Variants in ENTREP2 observed in about 807,000 individuals in gnomAD.
ENTREP2 encodes endosomal transmembrane epsin interactor 2, also known as protein ENTREP2.
chr15:29,155,151 C>G, the ENTREP2 span, among the ~76,000 whole-genome samples: 16,178 of 151,666 alleles, frequency 0.11, 1,093 homozygotes, highest in African/African-American at 0.18. Context: ...GCGTGGTGGC[C>G]GGCGCCTGTA....
At chr15:29,475,228 G>A in the ENTREP2 span, among the ~76,000 whole-genome samples, 408 of 152,226 alleles carry the variant, frequency 2.7e-3, 2 homozygotes, top group Middle Eastern at 6.8e-3. Flanking sequence ...TCCAAGGGGT[G>A]AGCTGGAGAC....
the ENTREP2 span, among the ~76,000 whole-genome samples, chr15:29,198,676 C>G: frequency 6.6e-6 from 1 of 152,242 alleles, no homozygotes; most frequent in Non-Finnish European, 1.5e-5. Context: ...CCCACCGGCC[C>G]ATGGCCATGT....
chr15:29,594,569 G>A, the ENTREP2 span, among the ~76,000 whole-genome samples: 1 of 152,118 alleles, frequency 6.6e-6, no homozygotes, highest in Non-Finnish European at 1.5e-5. Flanking sequence ...GTACACGGTG[G>A]CCAGAACATA....
chr15:29,537,863 G>T, the ENTREP2 span, among the ~76,000 whole-genome samples: 475 of 152,124 alleles, frequency 3.1e-3, 1 homozygote, highest in Admixed American at 5.3e-3. Context: ...CCTCCTTGCT[G>T]TCCTGTGAAC....
the ENTREP2 span, among the ~76,000 whole-genome samples, chr15:29,171,083 C>T: frequency 2.0e-5 from 3 of 152,226 alleles, no homozygotes; most frequent in South Asian, 6.2e-4. Flanking sequence ...CATAACTAAC[C>T]TCTCCCATGC....
chr15:29,395,986 T>A, the ENTREP2 span, among the ~76,000 whole-genome samples: 1 of 152,194 alleles, frequency 6.6e-6, no homozygotes, highest in Non-Finnish European at 1.5e-5. Context: ...TATTGAGGTA[T>A]GACTGACAAA....
the ENTREP2 span, among the ~76,000 whole-genome samples, chr15:29,221,834 G>C: frequency 1.3e-5 from 2 of 152,130 alleles, no homozygotes; most frequent in Non-Finnish European, 2.9e-5. Context: ...CCACCACAGA[G>C]ACCCAAGCAA....
the ENTREP2 span, among the ~76,000 whole-genome samples, chr15:29,473,387 T>A: frequency 6.6e-6 from 1 of 152,040 alleles, no homozygotes; most frequent in African/African-American, 2.4e-5. Context: ...CGAGGGATGG[T>A]GGCAGCTGCA....
chr15:29,381,569 T>G, the ENTREP2 span, among the ~76,000 whole-genome samples: 2 of 150,262 alleles, frequency 1.3e-5, no homozygotes, highest in Admixed American at 1.3e-4. Context: ...AGCAAGACAC[T>G]GAGGAGCGCT....
chr15:29,665,619 G>C, the ENTREP2 span, among the ~76,000 whole-genome samples: 1 of 152,300 alleles, frequency 6.6e-6, no homozygotes, highest in East Asian at 1.9e-4. Context: ...AGCTGGCTGA[G>C]ATCTCTTTCT....
At chr15:29,555,631 C>T in the ENTREP2 span, among the ~76,000 whole-genome samples, 1 of 152,172 alleles carries the variant, frequency 6.6e-6, no homozygotes, top group Non-Finnish European at 1.5e-5. Context: ...AGTGAGCTGG[C>T]TATTTGCATA....
the ENTREP2 span, among the ~76,000 whole-genome samples, chr15:29,322,994 TG>T: frequency 3.3e-5 from 5 of 152,190 alleles, no homozygotes. Flanking sequence ...TTATAGCATA[TG>T]GATAAATGCA....
chr15:29,150,692 A>G, the ENTREP2 span, among the ~76,000 whole-genome samples: 8 of 152,180 alleles, frequency 5.3e-5, no homozygotes, highest in African/African-American at 1.9e-4. Context: ...ATGGCATGCA[A>G]TTAGGACCAA....
chr15:29,431,488 T>G, the ENTREP2 span, among the ~76,000 whole-genome samples: 1 of 151,974 alleles, frequency 6.6e-6, no homozygotes, highest in East Asian at 1.9e-4. Context: ...ATTTTATAAC[T>G]TGCCCCGGAG....
chr15:29,501,335 G>C, the ENTREP2 span, among the ~76,000 whole-genome samples: 1 of 151,954 alleles, frequency 6.6e-6, no homozygotes, highest in African/African-American at 2.4e-5. Context: ...CCATGACCAA[G>C]TAGAGTTTAT....
chr15:29,192,270 C>G, the ENTREP2 span, among the ~76,000 whole-genome samples: 2 of 152,156 alleles, frequency 1.3e-5, no homozygotes, highest in African/African-American at 2.4e-5. Context: ...TTTCCCTATA[C>G]AGATATTCAA....
the ENTREP2 span, among the ~76,000 whole-genome samples, chr15:29,664,175 A>T: frequency 6.6e-6 from 1 of 152,168 alleles, no homozygotes; most frequent in Non-Finnish European, 1.5e-5. Context: ...CAATGCTGTG[A>T]GCTTTTAATT....
chr15:29,376,550 A>G, the ENTREP2 span: 1 of 109,054 alleles, frequency 9.2e-6, no homozygotes, highest in South Asian at 2.9e-4. Flanking sequence ...ACACTATGGT[A>G]AACACACACA....
chr15:29,400,057 ATGC>A, the ENTREP2 span, among the ~76,000 whole-genome samples: 1 of 152,216 alleles, frequency 6.6e-6, no homozygotes, highest in Non-Finnish European at 1.5e-5. Context: ...CCCTGAATAT[ATGC>A]CAGATATACT....
Sources: gnomAD v4.1 joint callset for allele counts (sites outside exome capture counted in the v4.1 genomes callset) on GRCh38, gnomAD v4.1.1 for gene constraint, MANE v1.5 for transcripts, NCBI Gene and HGNC (gene_info 2026-07-23, HGNC 2026-07-21) for gene names.